The following SORL1 variants were observed in gnomAD, a reference collection of about 807,000 sequenced individuals.
SORL1 encodes the protein sortilin-related receptor.
A neutral mutation model predicts 273.7 loss-of-function variants in SORL1; 127 were observed. The ratio of observed to expected loss-of-function variants is 0.46; its 90% confidence interval spans 0.40 to 0.54. SORL1 has a LOEUF of 0.54. Among genes scored for constraint, SORL1 ranks in the 20% least tolerant of loss-of-function variants. The pLI is 0.00. For synonymous variants in SORL1, 1,031 were observed against 1,067.4 expected (o/e 0.97, Z 0.66); for missense variants, 2,494 against 2,846.1 (o/e 0.88, Z 2.81).
intron 1 of SORL1, among the ~76,000 whole-genome samples, chr11:121,456,176 C>G (rs1292092330): frequency 1.3e-5 from 2 of 152,168 alleles, no homozygotes; most frequent in African/African-American, 4.8e-5. Context: ...AACTCTTGTC[C>G]TTGCCTGGGA....
In SORL1 at chr11:121,618,873, G is replaced by C. The variant is rs774400327; in HGVS notation, c.5704G>C (p.Asp1902His). The C allele has an allele frequency of 5.0e-6, 8 of 1,614,124 alleles. No individual in the cohort carries two copies. Among genetic ancestry groups the C allele is most frequent in the Non-Finnish European group, 6.8e-6 (8 of 1,179,996 alleles). The change falls in exon 42 of 48, where the codon GAT becomes CAT. Residue 1902 changes from aspartate to histidine, a missense_variant. Transcript: ENST00000260197. ...LHNKTVIVSKDEQYLFLVRVV... is the reference protein window; with the variant it reads ...LHNKTVIVSKHEQYLFLVRVV... Reference sequence around the variant, plus strand: ...CAACAAGACGGTCATTGTCAGTAAGGATGAGCAGTATTTGTTTCTGGTAAG... The same window carrying C: ...CAACAAGACGGTCATTGTCAGTAAGCATGAGCAGTATTTGTTTCTGGTAAG...
chr11:121,606,847 C>T lies in SORL1; in HGVS notation c.4951C>T (p.Pro1651Ser), dbSNP rs371077596. The change falls in exon 36 of 48, where the codon CCA becomes TCA. Residue 1651 changes from proline to serine, a missense_variant and splice_region_variant. Transcript: ENST00000260197. The part of the protein sequence containing the change: ...FVTLRTPEGL[P>S]DAPRNLQLSL... ...CCTTGAGTTGACTCTTTTTCTAGTG[C>T]CAGATGCCCCTCGAAATCTCCAGCT... The T allele has an allele frequency of 2.5e-6, 4 of 1,604,370 alleles. No homozygotes were observed. The highest frequency in any genetic ancestry group is 2.3e-5 in the East Asian group (1 of 44,314).
chr11:121,548,401 G>T (rs542263672), intron 14 of SORL1, among the ~76,000 whole-genome samples: 1 of 152,300 alleles, frequency 6.6e-6, no homozygotes, highest in South Asian at 2.1e-4. Flanking sequence ...ACGAACTGAG[G>T]TAATGAAAGA....
intron 6 of SORL1, among the ~76,000 whole-genome samples, chr11:121,509,299 C>A (rs1274013728): frequency 6.6e-6 from 1 of 152,058 alleles, no homozygotes; most frequent in Non-Finnish European, 1.5e-5. Context: ...TGCCATGCAA[C>A]TTTCAGTGGG....
At chr11:121,481,425 C>T (rs1861384163) in intron 3 of SORL1, among the ~76,000 whole-genome samples, 3 of 121,018 alleles carry the variant, frequency 2.5e-5, no homozygotes, top group African/African-American at 3.6e-5. Flanking sequence ...CCCAGCTCCT[C>T]TCCTAGTGCA....
chr11:121,584,398 A>G (rs1453570991), intron 26 of SORL1, among the ~76,000 whole-genome samples: 2 of 152,180 alleles, frequency 1.3e-5, no homozygotes, highest in African/African-American at 2.4e-5. Flanking sequence ...TTTTCTACCT[A>G]GTGACATTAA....
intron 39 of SORL1, chr11:121,611,816 CAT>C (rs1248946336): frequency 6.6e-6 from 1 of 152,348 alleles, no homozygotes; most frequent in Non-Finnish European, 1.5e-5. Context: ...CATTTAGTGT[CAT>C]GACCTTGGCT....
At chr11:121,569,062 T>C (rs1277891804) in intron 22 of SORL1, among the ~76,000 whole-genome samples, 3 of 152,244 alleles carry the variant, frequency 2.0e-5, no homozygotes, top group Admixed American at 6.5e-5. Flanking sequence ...TTAATACTTT[T>C]ATAATTTCTT....
In SORL1 at chr11:121,545,229, T is replaced by G. The variant is rs753970448; in HGVS notation, c.1865-14T>G. On this transcript the variant is annotated splice_polypyrimidine_tract_variant and intron_variant, in intron 13 of 47. Transcript: ENST00000260197. ...CTGCCTCTAATGCTTCGTGCTGTGT[T>G]CCTTTTTCTTTAGGAGTTCCCTGCA... 1.2e-6 allele frequency: 2 copies of G among 1,613,786 alleles called. No homozygotes were observed. The highest frequency in any genetic ancestry group is 2.2e-5 in the South Asian group (2 of 91,064).
intron 21 of SORL1, among the ~76,000 whole-genome samples, chr11:121,561,198 C>T (rs1862666859): frequency 6.6e-6 from 1 of 152,210 alleles, no homozygotes; most frequent in South Asian, 2.1e-4. Context: ...TTGATTTGCA[C>T]ACAGGAGCTT....
At chr11:121,510,738 G>C (rs1861865065) in intron 6 of SORL1, among the ~76,000 whole-genome samples, 1 of 152,122 alleles carries the variant, frequency 6.6e-6, no homozygotes, top group East Asian at 1.9e-4. Context: ...TGGGTGTTGG[G>C]GGTAGGTGTA....
chr11:121,625,097 C>T lies in SORL1; in HGVS notation c.6184C>T (p.His2062Tyr). Reference protein sequence around the residue: ...HFNESRGYEIHMFDSAMNITA... With the variant: ...HFNESRGYEIYMFDSAMNITA... ...TGTTTGTTTTCAGGGCTATGAGATA[C>T]ACATGTTTGATAGTGCCATGAATAT... Residue 2062 changes from histidine (H) to tyrosine (Y), a missense_variant, in exon 46 of 48, where the codon CAC (histidine) becomes TAC (tyrosine). Transcript: ENST00000260197. 1 of 1,610,996 alleles carries T rather than the reference C, an allele frequency of 6.2e-7. No individual in the cohort carries two copies. The highest frequency in any genetic ancestry group is 8.5e-7 in the Non-Finnish European group (1 of 1,177,730).
rs759059082 is a variant in SORL1 at position 121,550,543 on chromosome 11, C to A, written c.2181-42C>A. The stretch of plus-strand genomic sequence containing the variant: ...CAGCTGGGATGCCTTTGTGGCTATT[C>A]TTCCATGTTTCTGACCTCTTGCTCT... On this transcript the variant is annotated intron_variant, in intron 15 of 47. Coordinates refer to ENST00000260197, the MANE Select transcript of SORL1 (RefSeq NM_003105.6). This position sits in a 1 kb window ranked among gnomAD's most constrained non-coding sequence, Gnocchi z 5.3. 1.5e-5 allele frequency: 23 copies of A among 1,579,030 alleles called. No homozygotes were observed. Among genetic ancestry groups the A allele is most frequent in the Non-Finnish European group, 2.0e-5 (23 of 1,148,276 alleles).
Position 121,629,540 on chromosome 11 carries a change from G to T in SORL1, c.6622G>T (p.Asp2208Tyr). 1 of 1,577,832 alleles carries T rather than the reference G, an allele frequency of 6.3e-7. No homozygotes were observed. Among genetic ancestry groups the T allele is most frequent in the Non-Finnish European group, 8.7e-7 (1 of 1,146,828 alleles). ...DAPMITGFSD[D>Y]VPMVIA Reference sequence around the variant, plus strand: ...CCCTATGATAACTGGATTTTCAGATGACGTCCCCATGGTGATAGCCTGAAA... The same window carrying T: ...CCCTATGATAACTGGATTTTCAGATTACGTCCCCATGGTGATAGCCTGAAA... Residue 2208 changes from aspartate to tyrosine, a missense_variant, in exon 48 of 48, where the codon GAC becomes TAC. Asp to Tyr is a radical substitution (Grantham distance 160). This residue lies in a region of SORL1 where 1,609 missense variants were observed against 1,816.4 expected (regional missense o/e 0.89). Coordinates refer to ENST00000260197, the MANE Select transcript of SORL1 (RefSeq NM_003105.6).
Position 121,521,344 on chromosome 11 carries a change from G to A in SORL1, c.1404+495G>A, listed in dbSNP as rs930216863. Among the ~76,000 whole-genome samples, 6 of 152,232 alleles carry A rather than the reference G, an allele frequency of 3.9e-5. No homozygotes were observed. In the East Asian group the frequency reaches 1.2e-3, roughly 29 times the overall value. On this transcript the variant is annotated intron_variant, in intron 9 of 47. Coordinates refer to ENST00000260197, the MANE Select transcript of SORL1 (RefSeq NM_003105.6). ...ATAAATGGATATAGACAAATATCTG[G>A]GTACTTCCTCTTCCCTCAATAGTGT...
rs1258350285 is a variant in SORL1, at chr11:121,606,851, A to G, written c.4955A>G (p.Asp1652Gly). The G allele has an allele frequency of 1.2e-6, 2 of 1,613,252 alleles. No individual in the cohort carries two copies. Among genetic ancestry groups the G allele is most frequent in the South Asian group, 1.1e-5 (1 of 91,084 alleles). ...VTLRTPEGLPDAPRNLQLSLP... is the reference protein window; with the variant it reads ...VTLRTPEGLPGAPRNLQLSLP... ...GAGTTGACTCTTTTTCTAGTGCCAG[A>G]TGCCCCTCGAAATCTCCAGCTGTCA... Residue 1652 changes from aspartate (D) to glycine (G), a missense_variant, in exon 36 of 48, where the codon GAT (aspartate) becomes GGT (glycine). Around this residue, in one of 3 missense-constraint regions of SORL1, gnomAD observed 1,609 missense variants for 1,816.4 expected, o/e 0.89. Transcript: ENST00000260197.
chr11:121,456,282 C>T (rs1474849134), intron 1 of SORL1, among the ~76,000 whole-genome samples: 1 of 152,212 alleles, frequency 6.6e-6, no homozygotes, highest in Non-Finnish European at 1.5e-5. Flanking sequence ...GCAGCACTTA[C>T]TGCCTTGTGT....
At chr11:121,624,722 A>T (rs1276744549) in intron 45 of SORL1, among the ~76,000 whole-genome samples, 1 of 152,166 alleles carries the variant, frequency 6.6e-6, no homozygotes, top group African/African-American at 2.4e-5. Context: ...AAATTCCATT[A>T]TGGCAAACTG....
At chr11:121,600,028 A>G (rs963350041) in intron 32 of SORL1, among the ~76,000 whole-genome samples, 1 of 152,212 alleles carries the variant, frequency 6.6e-6, no homozygotes, top group Admixed American at 6.5e-5. Flanking sequence ...TGACCAGATG[A>G]AAACTTGGAA....
Sources: allele counts gnomAD v4.1 joint callset (sites outside exome capture counted in the v4.1 genomes callset), GRCh38; gene constraint gnomAD v4.1.1; regional missense constraint gnomAD v4.1.1; non-coding constraint Gnocchi (gnomAD v3.1); transcripts MANE v1.5; gene names NCBI Gene and HGNC (gene_info 2026-07-23, HGNC 2026-07-21).